SDK1: variants seen among roughly 807,000 people sequenced by gnomAD.
SDK1 encodes sidekick cell adhesion molecule 1, also known as protein sidekick-1.
A neutral mutation model predicts 245.5 loss-of-function variants in SDK1; 157 were observed. That is an observed-to-expected ratio of 0.64 (90% CI 0.56 to 0.73). SDK1 has a LOEUF of 0.73. Among genes scored for constraint, SDK1 ranks in the 30% least tolerant of loss-of-function variants. SDK1 has a pLI of 0.00. For synonymous variants in SDK1, 1,647 were observed against 1,278.5 expected (o/e 1.29, Z -6.15); for missense variants, 3,583 against 3,002.3 (o/e 1.19, Z -4.52).
At chr7:3,841,006 C>T (rs1048636507) in intron 5 of SDK1, among the ~76,000 whole-genome samples, 5 of 152,128 alleles carry the variant, frequency 3.3e-5, no homozygotes, top group African/African-American at 1.2e-4. Flanking sequence ...ACCAAGAGGC[C>T]CCACTTCATG....
At chr7:3,962,518 C>A in intron 8 of SDK1, 139 bp from the exon 9 acceptor site, 1 of 719,482 alleles carries the variant, frequency 1.4e-6, no homozygotes, top group South Asian at 1.9e-5. Context: ...AAAATAGCTC[C>A]TTATAGGGTG....
At chr7:3,769,938 G>T (rs1005154045) in intron 4 of SDK1, among the ~76,000 whole-genome samples, 1 of 121,310 alleles carries the variant, frequency 8.2e-6, no homozygotes, top group Non-Finnish European at 1.6e-5. Context: ...CTTATTGTCT[G>T]TGTGTGTGTG....
chr7:3,413,490 T>A (rs113135195), intron 1 of SDK1, among the ~76,000 whole-genome samples: 1,528 of 151,808 alleles, frequency 0.01, 32 homozygotes, highest in African/African-American at 0.036. Context: ...AGGTCAAGAG[T>A]TTGAGACCAG....
At chr7:3,928,711 A>G (rs1779866049) in intron 5 of SDK1, among the ~76,000 whole-genome samples, 1 of 152,200 alleles carries the variant, frequency 6.6e-6, no homozygotes, top group Non-Finnish European at 1.5e-5. Context: ...AACATCCCCT[A>G]ATCTGCCCCT....
At chr7:4,128,740 G>A (rs1279512258) in intron 26 of SDK1, among the ~76,000 whole-genome samples, 1 of 147,922 alleles carries the variant, frequency 6.8e-6, no homozygotes, top group Admixed American at 6.7e-5. Context: ...CTGGAATAGA[G>A]CAGCTTGGGG....
At chr7:4,006,495 A>G (rs1232060505) in intron 14 of SDK1, among the ~76,000 whole-genome samples, 2 of 152,020 alleles carry the variant, frequency 1.3e-5, no homozygotes, top group Non-Finnish European at 2.9e-5. Context: ...TTTTAAAGGG[A>G]TGTTGCTTAT....
intron 1 of SDK1, among the ~76,000 whole-genome samples, chr7:3,563,039 A>G (rs1430886447): frequency 1.3e-5 from 2 of 152,180 alleles, no homozygotes; most frequent in African/African-American, 4.8e-5. Context: ...TCTAGATGTT[A>G]CCGTTATTGA....
chr7:3,817,686 C>T (rs1779543666), intron 4 of SDK1, among the ~76,000 whole-genome samples: 4 of 152,112 alleles, frequency 2.6e-5, no homozygotes, highest in Admixed American at 2.6e-4. Context: ...GCAAGGTGGC[C>T]CTCCCTCCCC....
At chr7:3,477,524 T>A (rs1167443626) in intron 1 of SDK1, among the ~76,000 whole-genome samples, 1 of 151,100 alleles carries the variant, frequency 6.6e-6, no homozygotes, top group Non-Finnish European at 1.5e-5. Context: ...TTCTTTTTTT[T>A]TTTTTAAGAG....
chr7:3,724,416 T>TAAATA, intron 4 of SDK1, among the ~76,000 whole-genome samples: 1 of 152,148 alleles, frequency 6.6e-6, no homozygotes, highest in South Asian at 2.1e-4. Flanking sequence ...GTACAAAACA[T>TAAATA]AAATAAAATA....
At chr7:3,752,632 G>A (rs981043018) in intron 4 of SDK1, among the ~76,000 whole-genome samples, 6 of 152,122 alleles carry the variant, frequency 3.9e-5, no homozygotes, top group South Asian at 2.1e-4. Context: ...ATGGATTTAC[G>A]TCATCTGATA....
chr7:4,010,824 G>A (rs1785886090), intron 14 of SDK1, 142 bp from the exon 15 acceptor site: 1 of 849,660 alleles, frequency 1.2e-6, no homozygotes, highest in Non-Finnish European at 1.8e-6. Flanking sequence ...TTCCACACCT[G>A]CTAAATGGGA....
At chr7:3,825,761 G>T (rs964849964) in intron 5 of SDK1, among the ~76,000 whole-genome samples, 1 of 152,108 alleles carries the variant, frequency 6.6e-6, no homozygotes, top group African/African-American at 2.4e-5. Context: ...TGTAAAACAT[G>T]GCTTTTGTGT....
intron 1 of SDK1, chr7:3,338,415 T>A (rs938891861): frequency 1.9e-6 from 1 of 528,156 alleles, no homozygotes; most frequent in African/African-American, 1.9e-5. Context: ...CATTAAGCAC[T>A]CTTAAGAGCC....
intron 1 of SDK1, among the ~76,000 whole-genome samples, chr7:3,379,850 T>G (rs935166517): frequency 6.6e-6 from 1 of 152,162 alleles, no homozygotes; most frequent in Admixed American, 6.5e-5. Context: ...GAGTGCTCAT[T>G]GGAGCATTTC....
At chr7:4,168,137 T>C (rs1388300691) in intron 32 of SDK1, among the ~76,000 whole-genome samples, 3 of 152,154 alleles carry the variant, frequency 2.0e-5, no homozygotes, top group African/African-American at 7.2e-5. Context: ...ACGCTCCCAC[T>C]GGGAAGATGA....
intron 1 of SDK1, among the ~76,000 whole-genome samples, chr7:3,376,355 C>T (rs1323704415): frequency 6.6e-6 from 1 of 152,016 alleles, no homozygotes; most frequent in Non-Finnish European, 1.5e-5. Flanking sequence ...AATAACAAAC[C>T]TTATAAACAG....
At chr7:3,904,780 T>C (rs1208438107) in intron 5 of SDK1, among the ~76,000 whole-genome samples, 1 of 151,958 alleles carries the variant, frequency 6.6e-6, no homozygotes, top group Non-Finnish European at 1.5e-5. Context: ...GATCACAAGG[T>C]CAGGAGATCG....
At chr7:3,617,342 A>T (rs1329723678) in intron 1 of SDK1, among the ~76,000 whole-genome samples, 1 of 152,218 alleles carries the variant, frequency 6.6e-6, no homozygotes, top group Non-Finnish European at 1.5e-5. Flanking sequence ...CAAACACTTT[A>T]ATTTCAGTAT....
Sources: allele counts gnomAD v4.1 joint callset (sites outside exome capture counted in the v4.1 genomes callset), GRCh38; gene constraint gnomAD v4.1.1; transcripts MANE v1.5; gene names NCBI Gene and HGNC (gene_info 2026-07-23, HGNC 2026-07-21).